Variants in SLAIN1 observed in about 807,000 individuals in gnomAD.
The protein encoded by SLAIN1 is SLAIN motif-containing protein 1.
SLAIN1 carries 17 observed loss-of-function variants against 55.4 expected under a neutral mutation model. The ratio of observed to expected loss-of-function variants is 0.31; its 90% CI spans 0.21 to 0.46. The LOEUF is 0.46. Ranked by LOEUF, SLAIN1 falls within the 20% of genes least tolerant of loss-of-function variation. The pLI is 1.00. For synonymous variants in SLAIN1, 348 were observed against 337.4 expected (o/e 1.03, Z -0.35); for missense variants, 682 against 785.1 (o/e 0.87, Z 1.57).
intron 2 of SLAIN1, among the ~76,000 whole-genome samples, chr13:77,727,619 G>A (rs2091320416): frequency 6.6e-6 from 1 of 152,060 alleles, no homozygotes; most frequent in African/African-American, 2.4e-5. Flanking sequence ...CCCTTTCTGT[G>A]CCTGGAATAA....
intron 1 of SLAIN1, among the ~76,000 whole-genome samples, chr13:77,700,525 T>C (rs1481020433): frequency 6.6e-6 from 1 of 152,206 alleles, no homozygotes; most frequent in Non-Finnish European, 1.5e-5. Context: ...TTACCTGATT[T>C]ACATAATTTT....
rs79135849 is a variant in SLAIN1 at position 77,717,134 on chromosome 13, T to C, written c.627-2398T>C. On this transcript the variant is annotated intron_variant, in intron 1 of 6. Transcript: ENST00000418532. ...ATTTTAGTTAATCTGATAAGTTATATTGATGTTTGAATTTGTACCAACTTT... is the reference window on the plus strand; with the variant it reads ...ATTTTAGTTAATCTGATAAGTTATACTGATGTTTGAATTTGTACCAACTTT... Among the ~76,000 whole-genome samples, 83 of 152,250 alleles carry C rather than the reference T, an allele frequency of 5.5e-4. 1 individual carries two copies. In the East Asian group the frequency reaches 9.6e-3, roughly 18 times the overall value.
rs1875218841 is a variant in SLAIN1, at chr13:77,763,460, A to C, written c.*240A>C. On this transcript the variant is annotated 3_prime_UTR_variant, in exon 7 of 7. Transcript: ENST00000418532. ...AGTATTGTGACACTTAGATCTAGGAAGTTTTTGTAGAACTGCTCTGTACCT... is the reference window on the plus strand; with the variant it reads ...AGTATTGTGACACTTAGATCTAGGACGTTTTTGTAGAACTGCTCTGTACCT... 2.0e-6 allele frequency: 1 copy of C among 505,692 alleles called. No homozygotes were observed. Among genetic ancestry groups the C allele is most frequent in the Non-Finnish European group, 3.5e-6 (1 of 284,378 alleles). 31.3% of individuals were successfully genotyped at this position (505,692 alleles called of 1,614,324 possible). A position where few individuals can be genotyped will look rare whatever the true frequency, so the allele number is the denominator to read the frequency against.
intron 5 of SLAIN1, among the ~76,000 whole-genome samples, chr13:77,756,414 A>G (rs968369067): frequency 6.6e-6 from 1 of 152,004 alleles, no homozygotes; most frequent in African/African-American, 2.4e-5. Flanking sequence ...TAGAGGTTTT[A>G]TGTTTCTATA....
intron 2 of SLAIN1, among the ~76,000 whole-genome samples, chr13:77,727,915 T>C (rs181672180): frequency 2.7e-4 from 41 of 152,280 alleles, no homozygotes; most frequent in African/African-American, 9.1e-4. Context: ...GAACATAAAA[T>C]ACAGGGAATC....
At chr13:77,714,467 G>T (rs1241254612) in intron 1 of SLAIN1, among the ~76,000 whole-genome samples, 2 of 152,098 alleles carry the variant, frequency 1.3e-5, no homozygotes, top group African/African-American at 4.8e-5. Flanking sequence ...TTATAAAATA[G>T]CTGGGTGTGG....
At chr13:77,735,771 A>G (rs762241074) in intron 2 of SLAIN1, among the ~76,000 whole-genome samples, 1 of 152,104 alleles carries the variant, frequency 6.6e-6, no homozygotes, top group Non-Finnish European at 1.5e-5. Context: ...CCCTTTACAG[A>G]AAATATTTGA....
intron 2 of SLAIN1, among the ~76,000 whole-genome samples, chr13:77,735,282 G>A (rs1012590073): frequency 6.6e-6 from 1 of 151,922 alleles, no homozygotes; most frequent in Non-Finnish European, 1.5e-5. Context: ...ACTGGAACTC[G>A]GGCATCTGAA....
rs560535834 is a variant in SLAIN1, at chr13:77,763,251, A to G, written c.*31A>G. The G allele has an allele frequency of 7.6e-6, 12 of 1,571,600 alleles. No individual in the cohort carries two copies. In the South Asian group the frequency reaches 1.3e-4, roughly 17 times the overall value. ...TTTTATGTACCCTTGAAAAATGGGAAAGAAGTAAAAATGAGGGTTGTGTTA... is the reference window on the plus strand; with the variant it reads ...TTTTATGTACCCTTGAAAAATGGGAGAGAAGTAAAAATGAGGGTTGTGTTA... On this transcript the variant is annotated 3_prime_UTR_variant, in exon 7 of 7. Coordinates refer to ENST00000418532, the MANE Select transcript of SLAIN1 (RefSeq NM_001242868.2).
intron 1 of SLAIN1, among the ~76,000 whole-genome samples, chr13:77,712,078 A>G (rs2091157122): frequency 6.6e-6 from 1 of 152,210 alleles, no homozygotes; most frequent in African/African-American, 2.4e-5. Flanking sequence ...TCAAAATAAT[A>G]AGAGCTATTT....
At chr13:77,702,608 C>T (rs1376523736) in intron 1 of SLAIN1, among the ~76,000 whole-genome samples, 1 of 151,926 alleles carries the variant, frequency 6.6e-6, no homozygotes, top group African/African-American at 2.4e-5. Flanking sequence ...TGTTGAGGGA[C>T]GGGAGCTCTG....
chr13:77,752,128 C>T (rs536047131), intron 4 of SLAIN1, among the ~76,000 whole-genome samples: 40 of 151,932 alleles, frequency 2.6e-4, no homozygotes, highest in South Asian at 2.5e-3. Context: ...CATTTGGTGG[C>T]GTACTCATGA....
At chr13:77,726,853 G>A (rs2091312320) in intron 2 of SLAIN1, among the ~76,000 whole-genome samples, 1 of 152,132 alleles carries the variant, frequency 6.6e-6, no homozygotes, top group African/African-American at 2.4e-5. Context: ...AGTTTTCTCA[G>A]CCTCTTTTAC....
Position 77,698,533 on chromosome 13 carries a change from A to G in SLAIN1, c.620A>G (p.Tyr207Cys), listed in dbSNP as rs2090997189. ...GCCGCCTGGCGGGACGAGGACGACT[A>G]CACCTGGTACTGCCTGGCTCCGCTC... Reference protein sequence around the residue: ...SVAAWRDEDDYTWLYIGSSKT... With the variant: ...SVAAWRDEDDCTWLYIGSSKT... The change falls in exon 1 of 7, where the codon TAC (tyrosine) becomes TGC (cysteine). Residue 207 changes from tyrosine to cysteine, a missense_variant. By Grantham distance (194) the Tyr-to-Cys change is radical (BLOSUM62 -2). Around this residue, in one of 3 missense-constraint regions of SLAIN1, gnomAD observed 401 missense variants for 417.3 expected, o/e 0.96. Coordinates refer to ENST00000418532, the MANE Select transcript of SLAIN1 (RefSeq NM_001242868.2). The surrounding 1 kb of genome is among the most constrained non-coding windows in gnomAD (Gnocchi z 4.1). 7.0e-7 allele frequency: 1 copy of G among 1,435,802 alleles called. No individual in the cohort carries two copies. Among genetic ancestry groups the G allele is most frequent in the Non-Finnish European group, 9.1e-7 (1 of 1,103,536 alleles). 88.9% of individuals were successfully genotyped at this position (1,435,802 alleles called of 1,614,324 possible).
At chr13:77,703,197 G>GTT (rs1440135450) in intron 1 of SLAIN1, among the ~76,000 whole-genome samples, 1 of 152,104 alleles carries the variant, frequency 6.6e-6, no homozygotes, top group African/African-American at 2.4e-5. Flanking sequence ...AACTGGGAAA[G>GTT]ACAATGGAAA....
intron 2 of SLAIN1, among the ~76,000 whole-genome samples, chr13:77,730,787 T>A (rs1034102361): frequency 2.6e-5 from 4 of 152,182 alleles, no homozygotes; most frequent in Non-Finnish European, 4.4e-5. Context: ...TGTATTTGCA[T>A]ATGCATGCTC....
chr13:77,717,358 C>T (rs548073809), intron 1 of SLAIN1, among the ~76,000 whole-genome samples: 1 of 152,110 alleles, frequency 6.6e-6, no homozygotes, highest in Non-Finnish European at 1.5e-5. Context: ...ATTCCCTCCT[C>T]TTCTGTTTTT....
intron 1 of SLAIN1, among the ~76,000 whole-genome samples, chr13:77,709,834 G>C (rs1445255958): frequency 4.6e-5 from 7 of 152,072 alleles, no homozygotes. Context: ...GCAATGGCGC[G>C]ATCTCGGCTC....
At chr13:77,751,432 A>C (rs1353643742) in intron 4 of SLAIN1, among the ~76,000 whole-genome samples, 4 of 152,238 alleles carry the variant, frequency 2.6e-5, no homozygotes. Flanking sequence ...AACCTAGACC[A>C]TAAATCTTGA....
Sources: gnomAD v4.1 joint callset for allele counts (sites outside exome capture counted in the v4.1 genomes callset) on GRCh38, gnomAD v4.1.1 for gene constraint, gnomAD v4.1.1 regional missense constraint, Gnocchi (gnomAD v3.1) non-coding constraint, MANE v1.5 for transcripts, NCBI Gene and HGNC (gene_info 2026-07-23, HGNC 2026-07-21) for gene names.